SEL1L2: variants seen among roughly 807,000 people sequenced by gnomAD.
SEL1L2 encodes SEL1L2 adaptor subunit of SYVN1 ubiquitin ligase.
A neutral mutation model predicts 98.8 loss-of-function variants in SEL1L2; 89 were observed. The observed-to-expected ratio is 0.90, with a 90% CI of 0.76 to 1.07. SEL1L2 has a LOEUF of 1.07. Among genes scored for constraint, SEL1L2 ranks in the 50% least tolerant of loss-of-function variants. The pLI is 0.00. For synonymous variants in SEL1L2, 262 were observed against 278.5 expected (o/e 0.94, Z 0.59); for missense variants, 788 against 812.0 (o/e 0.97, Z 0.36).
At chr20:13,994,295 C>CAAAAAAAAAAAAAAAAAAA, upstream of SEL1L2, among the ~76,000 whole-genome samples, 1 of 70,958 alleles carries the variant, frequency 1.4e-5, no homozygotes, top group Non-Finnish European at 2.6e-5. Flanking sequence ...AACTCTGCCT[C>CAAAAAAAAAAAAAAAAAAA]AAAAAAAAAA....
At chr20:13,954,059 ATG>A (rs1032629325) in intron 2 of SEL1L2, among the ~76,000 whole-genome samples, 17 of 152,078 alleles carry the variant, frequency 1.1e-4, no homozygotes, top group Non-Finnish European at 2.2e-4. Flanking sequence ...TCATGTGTGT[ATG>A]TGTGTTTTCA....
rs1194480344 is a variant in SEL1L2 at position 13,865,225 on chromosome 20, A to G, written c.1587T>C (p.Leu529=). 2 of 1,613,550 alleles carry G rather than the reference A, an allele frequency of 1.2e-6. No individual in the cohort carries two copies. Among genetic ancestry groups the G allele is most frequent in the East Asian group, 2.2e-5 (1 of 44,880 alleles). ...FILESKKANI[L]EKEKMYPMAL... ...CCATTGGATACATCTTCTCTTTTTC[A>G]AGAATGTTAGCCTTTTCTAAAAAGA... is the stretch of plus-strand genomic sequence containing the variant. The change falls in exon 17 of 20, where the codon CTT becomes CTC. Residue 529 remains leucine, a synonymous_variant. Coordinates refer to ENST00000284951, the MANE Select transcript of SEL1L2 (RefSeq NM_025229.2).
At chr20:13,945,532 A>C (rs1287929110) in intron 2 of SEL1L2, among the ~76,000 whole-genome samples, 1 of 151,626 alleles carries the variant, frequency 6.6e-6, no homozygotes, top group Non-Finnish European at 1.5e-5. Context: ...TAAGACTTTG[A>C]ATTCTGCCTC....
chr20:13,859,994 G>A (rs934704491), intron 17 of SEL1L2, among the ~76,000 whole-genome samples: 5 of 152,138 alleles, frequency 3.3e-5, no homozygotes, highest in African/African-American at 7.2e-5. Flanking sequence ...GTGAGCCTCC[G>A]CGCCCGGCCA....
chr20:13,911,545 A>G (rs73261476), intron 5 of SEL1L2, among the ~76,000 whole-genome samples: 54 of 152,320 alleles, frequency 3.5e-4, no homozygotes, highest in African/African-American at 1.2e-3. Context: ...CTCATATTTT[A>G]TTATAACATT....
At chr20:13,878,793 T>C (rs2046556593) in intron 10 of SEL1L2, among the ~76,000 whole-genome samples, 1 of 152,328 alleles carries the variant, frequency 6.6e-6, no homozygotes, top group South Asian at 2.1e-4. Context: ...GTATTATAGA[T>C]GATTCATAGA....
At chr20:13,885,596 T>A (rs2046913086) in intron 9 of SEL1L2, among the ~76,000 whole-genome samples, 193 bp from the exon 10 acceptor site, 1 of 152,196 alleles carries the variant, frequency 6.6e-6, no homozygotes, top group South Asian at 2.1e-4. Context: ...GCTTCCTTAG[T>A]GGCTGGAAGC....
chr20:13,860,173 A>G (rs985513877), intron 17 of SEL1L2, among the ~76,000 whole-genome samples: 2 of 152,146 alleles, frequency 1.3e-5, no homozygotes, highest in Admixed American at 1.3e-4. Flanking sequence ...CCTGTCCGCC[A>G]TTCAAACACG....
intron 3 of SEL1L2, chr20:13,928,050 AC>A (rs922829689): frequency 6.6e-6 from 1 of 152,218 alleles, no homozygotes; most frequent in African/African-American, 2.4e-5. Flanking sequence ...TATCCTAGGA[AC>A]AAAAACAATT....
At chr20:13,933,314 T>C (rs1230751355) in intron 2 of SEL1L2, among the ~76,000 whole-genome samples, 2 of 152,186 alleles carry the variant, frequency 1.3e-5, no homozygotes, top group African/African-American at 4.8e-5. Context: ...TCAATGGTTT[T>C]TTAGAATATT....
intron 1 of SEL1L2, among the ~76,000 whole-genome samples, chr20:13,984,057 G>C (rs2052012891): frequency 6.7e-6 from 1 of 150,072 alleles, no homozygotes; most frequent in Non-Finnish European, 1.5e-5. Flanking sequence ...TGTCACCCAG[G>C]CTTGAGTGCA....
At chr20:13,947,901 T>A (rs2050092057) in intron 2 of SEL1L2, among the ~76,000 whole-genome samples, 1 of 152,252 alleles carries the variant, frequency 6.6e-6, no homozygotes, top group African/African-American at 2.4e-5. Flanking sequence ...TGTGCCTGGC[T>A]GTGCACAGTG....
intron 1 of SEL1L2, among the ~76,000 whole-genome samples, chr20:13,963,595 A>AT: frequency 6.6e-6 from 1 of 152,064 alleles, no homozygotes; most frequent in East Asian, 1.9e-4. Context: ...ATATGCTTGT[A>AT]GTCCCAGCTA....
intron 1 of SEL1L2, among the ~76,000 whole-genome samples, chr20:13,975,737 C>T (rs1398727811): frequency 3.3e-5 from 5 of 152,158 alleles, no homozygotes; most frequent in African/African-American, 1.2e-4. Context: ...TCTCTGTAAT[C>T]ACGTAGTTAG....
chr20:13,939,665 C>CTTTTTTTTTTTTTTTT lies in SEL1L2; in HGVS notation c.115-7910_115-7895dup, dbSNP rs3042764. ...AGTCATGGAATGAAACACCCTTATT[C>CTTTTTTTTTTTTTTTT]TTTTTTTTTTTTTTTTTTGAGACAG... On this transcript the variant is annotated intron_variant, in intron 2 of 19. Transcript: ENST00000284951. Among the ~76,000 whole-genome samples the CTTTTTTTTTTTTTTTT allele has an allele frequency of 2.7e-4, 38 of 138,576 alleles. 1 individual carries two copies. Among genetic ancestry groups the CTTTTTTTTTTTTTTTT allele is most frequent in the African/African-American group, 4.0e-4 (14 of 34,774 alleles). 90.9% of individuals were successfully genotyped at this position (138,576 alleles called of 152,430 possible). A position where few individuals can be genotyped will look rare whatever the true frequency, so the allele number is the denominator to read the frequency against.
At chr20:13,869,360 C>T (rs772860875) in intron 14 of SEL1L2, 143 bp downstream of exon 14, 17 of 658,818 alleles carry the variant, frequency 2.6e-5, no homozygotes, top group Non-Finnish European at 3.7e-5. Context: ...TTTCTTTAGG[C>T]TTTTTCAAAT....
chr20:13,958,316 A>C (rs1421924490), intron 1 of SEL1L2, among the ~76,000 whole-genome samples: 1 of 151,786 alleles, frequency 6.6e-6, no homozygotes, highest in Non-Finnish European at 1.5e-5. Context: ...CCTTGAGGAT[A>C]TTACATGTGA....
At chr20:13,940,404 G>A (rs2049704014) in intron 2 of SEL1L2, among the ~76,000 whole-genome samples, 1 of 152,202 alleles carries the variant, frequency 6.6e-6, no homozygotes, top group South Asian at 2.1e-4. Flanking sequence ...TATGTTCCAG[G>A]AATGGAAATA....
At chr20:13,913,584 T>C (rs1387732534) in intron 5 of SEL1L2, 198 bp downstream of exon 5, 1 of 413,290 alleles carries the variant, frequency 2.4e-6, no homozygotes, top group East Asian at 3.7e-5. Flanking sequence ...ACATTTTATA[T>C]AAAATTTAGC....
Sources: allele counts gnomAD v4.1 joint callset (sites outside exome capture counted in the v4.1 genomes callset), GRCh38; gene constraint gnomAD v4.1.1; transcripts MANE v1.5; gene names NCBI Gene and HGNC (gene_info 2026-07-23, HGNC 2026-07-21).